The following MAGOH variants were observed in gnomAD, a reference collection of about 807,000 sequenced individuals.
MAGOH encodes protein mago nashi homolog.
A neutral mutation model predicts 20.9 loss-of-function variants in MAGOH; 3 were observed. The ratio of observed to expected loss-of-function variants is 0.14; its 90% CI spans 0.07 to 0.37. The LOEUF is 0.37. Among genes scored for constraint, MAGOH ranks in the 10% least tolerant of loss-of-function variants. The probability of loss-of-function intolerance (pLI) is 1.00; values close to 1 mark genes in which losing one functional copy is unlikely to be tolerated. For synonymous variants in MAGOH, 51 were observed against 61.0 expected (o/e 0.84, Z 0.76); for missense variants, 66 against 178.1 (o/e 0.37, Z 3.58).
chr1:53,238,496 T>C lies in MAGOH; in HGVS notation c.-48A>G, dbSNP rs1475206523. On this transcript the variant is annotated 5_prime_UTR_variant, in exon 1 of 5. Transcript: ENST00000371470. ...CTGAACTTCCAAGAGCAAGCCGCAC[T>C]GCCGCCGTCTGCGCCCGACACTGAC... 3.3e-6 allele frequency: 5 copies of C among 1,521,296 alleles called. No homozygotes were observed. The South Asian group carries it at 3.4e-5, about 10-fold the overall frequency. The allele number at this position is 1,521,296 out of a possible 1,614,324, so 94.2% of individuals were successfully genotyped here. A position where few individuals can be genotyped will look rare whatever the true frequency, so the allele number is the denominator to read the frequency against.
intron 3 of MAGOH, among the ~76,000 whole-genome samples, chr1:53,232,299 A>C (rs1008395979): frequency 2.6e-5 from 4 of 152,222 alleles, no homozygotes; most frequent in African/African-American, 9.6e-5. Flanking sequence ...TAACAAATAC[A>C]TTATTATTGA....
chr1:53,230,615 A>G (rs1271582526), intron 3 of MAGOH, among the ~76,000 whole-genome samples: 3 of 151,544 alleles, frequency 2.0e-5, no homozygotes, highest in Non-Finnish European at 4.4e-5. Context: ...TTCTTTGTAG[A>G]AAAAAAGGTC....
At chr1:53,232,656 T>A (rs1341867919) in intron 3 of MAGOH, among the ~76,000 whole-genome samples, 1 of 152,216 alleles carries the variant, frequency 6.6e-6, no homozygotes, top group African/African-American at 2.4e-5. Context: ...CACCTAGGTA[T>A]GTCTGAGGAA....
At chr1:53,237,094 G>A (rs755424467) in intron 1 of MAGOH, among the ~76,000 whole-genome samples, 11 of 151,396 alleles carry the variant, frequency 7.3e-5, no homozygotes, top group Non-Finnish European at 1.5e-4. Flanking sequence ...GATTACAGGC[G>A]TCTGCCACCA....
intron 4 of MAGOH, among the ~76,000 whole-genome samples, chr1:53,228,621 C>T (rs1054573546): frequency 6.6e-6 from 1 of 152,094 alleles, no homozygotes; most frequent in Non-Finnish European, 1.5e-5. Context: ...TCTGGCTGCT[C>T]CTATGCATTA....
chr1:53,229,819 T>C (rs1645577492), intron 3 of MAGOH, among the ~76,000 whole-genome samples: 1 of 152,132 alleles, frequency 6.6e-6, no homozygotes, highest in Admixed American at 6.5e-5. Flanking sequence ...CTAGAGAGGC[T>C]GAGGTGGGAG....
chr1:53,234,431 T>C (rs922778362), intron 2 of MAGOH, among the ~76,000 whole-genome samples: 3 of 148,252 alleles, frequency 2.0e-5, no homozygotes, highest in African/African-American at 7.5e-5. Context: ...TGGAGTGCAG[T>C]GGTGCGATCT....
chr1:53,227,181 C>G, intron 4 of MAGOH, 37 bp from the exon 5 acceptor site: 3 of 1,224,022 alleles, frequency 2.5e-6, no homozygotes, highest in South Asian at 1.4e-5. Flanking sequence ...GGCATTAAAA[C>G]TTTGACCCAT....
chr1:53,231,844 A>G (rs533281360), intron 3 of MAGOH, among the ~76,000 whole-genome samples: 12 of 152,372 alleles, frequency 7.9e-5, no homozygotes, highest in African/African-American at 2.9e-4. Flanking sequence ...GAGTGAATTT[A>G]TAAATTACTT....
At chr1:53,229,497 G>A (rs1001971701) in intron 3 of MAGOH, among the ~76,000 whole-genome samples, 4 of 152,122 alleles carry the variant, frequency 2.6e-5, no homozygotes, top group Non-Finnish European at 5.9e-5. Context: ...CAGGTGATCC[G>A]CCTGCCTCAG....
intron 3 of MAGOH, among the ~76,000 whole-genome samples, chr1:53,231,609 C>CTAAGTTTCCATA (rs1478501376): frequency 6.6e-6 from 1 of 152,146 alleles, no homozygotes; most frequent in African/African-American, 2.4e-5. Flanking sequence ...GCACACTTTT[C>CTAAGTTTCCATA]TAAGTTTCCA....
At position 53,233,603 on chromosome 1, in the gene MAGOH, T is replaced by C. The variant is rs888504296; in HGVS notation, c.197A>G (p.Asp66Gly). Residue 66 changes from aspartate to glycine, a missense_variant, in exon 3 of 5, where the codon GAC (aspartate) becomes GGC (glycine). By Grantham distance (94) the Asp-to-Gly change is moderately conservative. Coordinates refer to ENST00000371470, the MANE Select transcript of MAGOH (RefSeq NM_002370.4). ...ATCATCCTCTTTGGTAATTTCACTG[T>C]CGTCAATTATTCTCTTCAGTTCCTC... Reference protein sequence around the residue: ...VMEELKRIIDDSEITKEDDAL... With the variant: ...VMEELKRIIDGSEITKEDDAL... 1 of 1,614,086 alleles carries C rather than the reference T, an allele frequency of 6.2e-7. No homozygotes were observed. The highest frequency in any genetic ancestry group is 8.5e-7 in the Non-Finnish European group (1 of 1,180,018).
chr1:53,237,261 C>T (rs1645616394), intron 1 of MAGOH, among the ~76,000 whole-genome samples: 1 of 151,424 alleles, frequency 6.6e-6, no homozygotes, highest in African/African-American at 2.4e-5. Flanking sequence ...CAACATCTTT[C>T]GTGTCTTGAC....
chr1:53,231,421 AAGG>A (rs1430940869), intron 3 of MAGOH, among the ~76,000 whole-genome samples: 3 of 152,182 alleles, frequency 2.0e-5, no homozygotes, highest in Admixed American at 1.3e-4. Context: ...CTTACCCCTT[AAGG>A]AGTTTTAAAA....
chr1:53,233,720 G>A, intron 2 of MAGOH, 68 bp from the exon 3 acceptor site: 2 of 991,602 alleles, frequency 2.0e-6, no homozygotes, highest in Non-Finnish European at 3.2e-6. Context: ...AGATAGTGAT[G>A]GAAGATAAAA....
At chr1:53,235,721 A>G in intron 1 of MAGOH, 86 bp from the exon 2 acceptor site, 1 of 980,032 alleles carries the variant, frequency 1.0e-6, no homozygotes, top group South Asian at 1.4e-5. Flanking sequence ...GCAGTTGCCC[A>G]AAATGTATCT....
At chr1:53,233,432 C>G in intron 3 of MAGOH, 110 bp downstream of exon 3, 1 of 701,196 alleles carries the variant, frequency 1.4e-6, no homozygotes, top group Non-Finnish European at 2.6e-6. Flanking sequence ...AATGCTTTGT[C>G]CATAGTAGTT....
chr1:53,237,997 C>T (rs77817140), intron 1 of MAGOH, among the ~76,000 whole-genome samples: 1 of 152,296 alleles, frequency 6.6e-6, no homozygotes, highest in Non-Finnish European at 1.5e-5. Flanking sequence ...GCAGCCCATC[C>T]AGCAATTATT....
In MAGOH at chr1:53,227,039, T is replaced by C. The variant is rs780619732; in HGVS notation, c.*6A>G. 14 of 743,528 alleles carry C rather than the reference T, an allele frequency of 1.9e-5. No homozygotes were observed. Among genetic ancestry groups the C allele is most frequent in the Middle Eastern group, 3.1e-4 (1 of 3,256 alleles). 46.1% of individuals were successfully genotyped at this position (743,528 alleles called of 1,614,324 possible). ...CCCACCCCCCATGTCCACACCAATA[T>C]TCAGTCTAGATTGGTTTAATCTTGA... On this transcript the variant is annotated 3_prime_UTR_variant, in exon 5 of 5. Coordinates refer to ENST00000371470, the MANE Select transcript of MAGOH (RefSeq NM_002370.4).
Sources: gnomAD v4.1 joint callset for allele counts (sites outside exome capture counted in the v4.1 genomes callset) on GRCh38, gnomAD v4.1.1 for gene constraint, MANE v1.5 for transcripts, NCBI Gene and HGNC (gene_info 2026-07-23, HGNC 2026-07-21) for gene names.